CNTN5: variants seen among roughly 807,000 people sequenced by gnomAD.
CNTN5 encodes the protein contactin 5.
CNTN5 carries 77 observed loss-of-function variants against 129.1 expected under a neutral mutation model. The ratio of observed to expected loss-of-function variants is 0.60; its 90% CI spans 0.50 to 0.72. CNTN5 has a LOEUF of 0.72. CNTN5 is among the 30% of genes least tolerant of loss of function. The pLI, the probability that CNTN5 is intolerant of heterozygous loss-of-function variation, is 0.00. For synonymous variants in CNTN5, 509 were observed against 465.6 expected (o/e 1.09, Z -1.20); for missense variants, 1,478 against 1,328.8 (o/e 1.11, Z -1.75).
intron 8 of CNTN5, among the ~76,000 whole-genome samples, chr11:99,957,226 C>A (rs1950827324): frequency 6.6e-6 from 1 of 152,002 alleles, no homozygotes; most frequent in Non-Finnish European, 1.5e-5. Context: ...AAATATTCAC[C>A]ATAATGCTAC....
At chr11:100,217,368 G>A (rs1382412913) in intron 15 of CNTN5, among the ~76,000 whole-genome samples, 6 of 152,266 alleles carry the variant, frequency 3.9e-5, no homozygotes, top group African/African-American at 1.4e-4. Context: ...TTGCAAAAGT[G>A]TCACATATTT....
intron 2 of CNTN5, among the ~76,000 whole-genome samples, chr11:99,554,691 A>T (rs541018348): frequency 1.3e-5 from 2 of 152,116 alleles, no homozygotes; most frequent in Non-Finnish European, 1.5e-5. Context: ...GGTCAATTTA[A>T]TCATGAATTG....
At chr11:99,139,360 A>G (rs184015380) in intron 1 of CNTN5, among the ~76,000 whole-genome samples, 51 of 152,348 alleles carry the variant, frequency 3.3e-4, no homozygotes, top group Non-Finnish European at 6.3e-4. Flanking sequence ...CAGGATGTGA[A>G]TATGTGGATA....
intron 3 of CNTN5, among the ~76,000 whole-genome samples, chr11:99,651,563 A>G (rs368849349): frequency 5.9e-5 from 9 of 152,018 alleles, no homozygotes; most frequent in African/African-American, 2.2e-4. Context: ...TTCATGAATC[A>G]TACTCCAAAT....
chr11:100,339,255 G>A (rs1413766092), intron 21 of CNTN5, among the ~76,000 whole-genome samples: 6 of 152,060 alleles, frequency 3.9e-5, no homozygotes, highest in East Asian at 1.9e-4. Flanking sequence ...GGTGGGTCCC[G>A]AGCTCTTGTC....
At chr11:100,033,018 AAAC>A (rs553451399) in intron 9 of CNTN5, among the ~76,000 whole-genome samples, 123 of 152,316 alleles carry the variant, frequency 8.1e-4, no homozygotes, top group African/African-American at 2.9e-3. Flanking sequence ...GTGCTGATGA[AAAC>A]AAGTTGAAAA....
chr11:99,313,666 CAAG>C (rs1865212997), intron 1 of CNTN5, among the ~76,000 whole-genome samples: 1 of 151,978 alleles, frequency 6.6e-6, no homozygotes, highest in Non-Finnish European at 1.5e-5. Context: ...GTCTCCTTTA[CAAG>C]AAGGATTAAT....
intron 3 of CNTN5, among the ~76,000 whole-genome samples, chr11:99,744,679 C>T (rs1357694266): frequency 2.8e-5 from 4 of 145,194 alleles, no homozygotes; most frequent in Non-Finnish European, 6.0e-5. Context: ...GTGATTGTGC[C>T]ACTGCACTAC....
At chr11:99,029,444 T>C (rs1376281673) in intron 1 of CNTN5, among the ~76,000 whole-genome samples, 1 of 151,970 alleles carries the variant, frequency 6.6e-6, no homozygotes, top group Non-Finnish European at 1.5e-5. Flanking sequence ...AGATGGAAAA[T>C]CGTTCAGTCA....
At chr11:99,392,340 GA>G (rs1226896584) in intron 2 of CNTN5, among the ~76,000 whole-genome samples, 1 of 151,750 alleles carries the variant, frequency 6.6e-6, no homozygotes, top group African/African-American at 2.4e-5. Context: ...ATAGGAGGGA[GA>G]AAAATACCCT....
intron 21 of CNTN5, among the ~76,000 whole-genome samples, chr11:100,327,571 C>T (rs556847134): frequency 5.5e-4 from 84 of 152,278 alleles, no homozygotes; most frequent in Middle Eastern, 6.8e-3. Context: ...CTGATCAAAA[C>T]CCGAGTTTTA....
At chr11:99,230,177 A>C (rs1182216182) in intron 1 of CNTN5, among the ~76,000 whole-genome samples, 1 of 152,032 alleles carries the variant, frequency 6.6e-6, no homozygotes, top group East Asian at 1.9e-4. Context: ...TTTTACAATA[A>C]AATATATTTT....
chr11:99,775,542 A>T (rs952525674), intron 3 of CNTN5, among the ~76,000 whole-genome samples: 1 of 152,030 alleles, frequency 6.6e-6, no homozygotes, highest in South Asian at 2.1e-4. Flanking sequence ...CAAATGAGAG[A>T]AAGAAAGAAA....
At chr11:99,427,871 T>C (rs916646420) in intron 2 of CNTN5, among the ~76,000 whole-genome samples, 5 of 151,768 alleles carry the variant, frequency 3.3e-5, no homozygotes, top group African/African-American at 9.7e-5. Context: ...TTATTTTGTG[T>C]ATCAGTGTAT....
intron 3 of CNTN5, among the ~76,000 whole-genome samples, chr11:99,766,823 C>G (rs1944772228): frequency 6.6e-6 from 1 of 151,902 alleles, no homozygotes; most frequent in South Asian, 2.1e-4. Flanking sequence ...ATGACATAGT[C>G]AAGAGCATTT....
At chr11:100,331,065 A>C (rs2138987438) in intron 21 of CNTN5, among the ~76,000 whole-genome samples, 1 of 152,300 alleles carries the variant, frequency 6.6e-6, no homozygotes, top group South Asian at 2.1e-4. Flanking sequence ...TCACCAACTA[A>C]GTTTCTGCTG....
At chr11:99,866,044 C>T (rs962092267) in intron 6 of CNTN5, among the ~76,000 whole-genome samples, 3 of 152,124 alleles carry the variant, frequency 2.0e-5, no homozygotes, top group Non-Finnish European at 4.4e-5. Flanking sequence ...TAATTTCACA[C>T]ATTAACAACA....
chr11:100,120,307 C>T (rs1009099389), intron 13 of CNTN5, among the ~76,000 whole-genome samples: 1 of 151,908 alleles, frequency 6.6e-6, no homozygotes, highest in Admixed American at 6.6e-5. Flanking sequence ...ATTTACACCA[C>T]CATTAAATTA....
chr11:99,135,845 G>A (rs1008740345), intron 1 of CNTN5, among the ~76,000 whole-genome samples: 6 of 151,886 alleles, frequency 4.0e-5, no homozygotes, highest in African/African-American at 1.5e-4. Context: ...TTATTTATTT[G>A]CTGCCCATCT....
Sources: gnomAD v4.1 joint callset for allele counts (sites outside exome capture counted in the v4.1 genomes callset) on GRCh38, gnomAD v4.1.1 for gene constraint, MANE v1.5 for transcripts, NCBI Gene and HGNC (gene_info 2026-07-23, HGNC 2026-07-21) for gene names.